Variants in CCDC33 observed in about 807,000 individuals in gnomAD.
The protein encoded by CCDC33 is coiled-coil domain containing 33, also known as coiled-coil domain-containing protein 33.
In CCDC33, 94 loss-of-function variants were observed where a neutral mutation model predicts 91.9. The observed-to-expected ratio is 1.02, with a 90% CI of 0.87 to 1.21. The LOEUF (loss-of-function observed/expected upper bound fraction) is 1.21. Ranked by LOEUF, CCDC33 falls within the 50% of genes most tolerant of loss-of-function variation. The pLI, the probability that CCDC33 is intolerant of heterozygous loss-of-function variation, is 0.00. For missense variants in CCDC33, 940 were observed against 935.5 expected, an observed-to-expected ratio of 1.00 and a Z score of -0.06; for synonymous variants, 396 against 374.5, an observed-to-expected ratio of 1.06 and a Z score of -0.66.
At chr15:74,277,621 C>A (rs955627131) in intron 7 of CCDC33, among the ~76,000 whole-genome samples, 3 of 152,242 alleles carry the variant, frequency 2.0e-5, no homozygotes, top group African/African-American at 7.2e-5. Context: ...GTACCCTCAC[C>A]AGGGCTCTGG....
At chr15:74,278,133 C>T (rs1435002843) in intron 7 of CCDC33, among the ~76,000 whole-genome samples, 1 of 152,240 alleles carries the variant, frequency 6.6e-6, no homozygotes, top group Non-Finnish European at 1.5e-5. Context: ...ATTGCAGTCT[C>T]TGTTCAGGTG....
rs184791892 is a variant in CCDC33 at position 74,293,755 on chromosome 15, C to T, written c.1096-1999C>T. On this transcript the variant is annotated intron_variant, in intron 10 of 18. Coordinates refer to ENST00000398814, the MANE Select transcript of CCDC33 (RefSeq NM_025055.5). ...GCCTGCCAAAGTCAGCCTCGGGGTC[C>T]CCCAGTGTCCCACTCTTCCCATTCC... is the stretch of plus-strand genomic sequence containing the variant. 2.6e-5 allele frequency among the ~76,000 whole-genome samples: 4 copies of T among 152,312 alleles called. No individual in the cohort carries two copies. The East Asian group carries it at 7.7e-4, about 29-fold the overall frequency.
At chr15:74,207,225 A>C (rs1388606404) in intron 1 of CCDC33, among the ~76,000 whole-genome samples, 1 of 152,248 alleles carries the variant, frequency 6.6e-6, no homozygotes, top group Non-Finnish European at 1.5e-5. Flanking sequence ...AGAAGCTAAC[A>C]GCAGGCCAGA....
Position 74,264,822 on chromosome 15 carries a change from A to G in CCDC33, c.320-1856A>G, listed in dbSNP as rs141515682. 4.8e-3 allele frequency among the ~76,000 whole-genome samples: 725 copies of G among 152,350 alleles called. 16 individuals are homozygous for G. The highest frequency in any genetic ancestry group is 3.9e-3 in the Non-Finnish European group (263 of 68,032). On this transcript the variant is annotated intron_variant, in intron 3 of 18. Transcript: ENST00000398814. ...CCCAAGGGGAGAGACAAGGCTTTTT[A>G]TTAAAGTGTTGACATTTTGAAGAGC...
In CCDC33 at chr15:74,295,764, A is replaced by G; in HGVS notation, c.1106A>G (p.Asn369Ser). 2 of 1,611,978 alleles carry G rather than the reference A, an allele frequency of 1.2e-6. No individual in the cohort carries two copies. Among genetic ancestry groups the G allele is most frequent in the Non-Finnish European group, 1.7e-6 (2 of 1,179,322 alleles). The part of the protein sequence containing the change: ...FQLLSSERPE[N>S]FLTPNNSKAL... Reference sequence around the variant, plus strand: ...ACCTTCTCTTCTCAGAGACCAGAAAACTTCTTGACACCAAACAACAGCAAG... The same window carrying G: ...ACCTTCTCTTCTCAGAGACCAGAAAGCTTCTTGACACCAAACAACAGCAAG... Residue 369 changes from asparagine to serine, a missense_variant, in exon 11 of 19, where the codon AAC becomes AGC. By Grantham distance (46) the Asn-to-Ser change is conservative. Transcript: ENST00000398814.
intron 2 of CCDC33, among the ~76,000 whole-genome samples, chr15:74,222,523 C>A (rs865941639): frequency 8.8e-6 from 1 of 114,154 alleles, no homozygotes; most frequent in African/African-American, 2.9e-5. Context: ...TTTTTTTTTT[C>A]TTTTTCTTTT....
At chr15:74,239,834 G>C (rs886982288) in intron 1 of CCDC33, among the ~76,000 whole-genome samples, 1 of 152,160 alleles carries the variant, frequency 6.6e-6, no homozygotes, top group Non-Finnish European at 1.5e-5. Context: ...AGTTACGGGG[G>C]GGGTACCCCA....
intron 3 of CCDC33, among the ~76,000 whole-genome samples, chr15:74,264,896 G>T (rs2076127124): frequency 6.6e-6 from 1 of 152,182 alleles, no homozygotes; most frequent in South Asian, 2.1e-4. Flanking sequence ...CAGTCACAGA[G>T]CAAGTTAGTA....
At chr15:74,313,274 G>C (rs1351356972) in intron 11 of CCDC33, among the ~76,000 whole-genome samples, 1 of 152,106 alleles carries the variant, frequency 6.6e-6, no homozygotes, top group African/African-American at 2.4e-5. Flanking sequence ...GCACCTCAAG[G>C]ATGCTTTCCC....
chr15:74,208,748 TC>T (rs1305183890), intron 1 of CCDC33: 6 of 988,416 alleles, frequency 6.1e-6, no homozygotes, highest in East Asian at 2.3e-4. Flanking sequence ...TTCTCGCTGT[TC>T]CCCGACCTGT....
chr15:74,253,777 T>C (rs1482257118), intron 2 of CCDC33, among the ~76,000 whole-genome samples: 1 of 152,204 alleles, frequency 6.6e-6, no homozygotes, highest in Non-Finnish European at 1.5e-5. Context: ...AGAGAGCACC[T>C]GGCTCATTCA....
chr15:74,327,960 A>G (rs574935772), intron 11 of CCDC33, among the ~76,000 whole-genome samples: 1 of 152,310 alleles, frequency 6.6e-6, no homozygotes, highest in South Asian at 2.1e-4. Flanking sequence ...ATGCCCTCAT[A>G]TAAGACCACA....
Position 74,279,974 on chromosome 15 carries a change from T to C in CCDC33, c.771T>C (p.Pro257=). The change falls in exon 8 of 19, where the codon CCT becomes CCC. Residue 257 remains proline, a synonymous_variant. Transcript: ENST00000398814. ...SQNGCPQLSK[P]GGPPEQPLWN... Reference sequence around the variant, plus strand: ...CCCTCTCCCTCCAGCTGTCCAAGCCTGGGGGACCCCCAGAGCAGCCCCTGT... The same window carrying C: ...CCCTCTCCCTCCAGCTGTCCAAGCCCGGGGGACCCCCAGAGCAGCCCCTGT... 6.2e-7 allele frequency: 1 copy of C among 1,614,010 alleles called. No homozygotes were observed. The highest frequency in any genetic ancestry group is 8.5e-7 in the Non-Finnish European group (1 of 1,179,908).
At chr15:74,270,955 GACT>G (rs2076298673) in intron 5 of CCDC33, among the ~76,000 whole-genome samples, 5 of 152,192 alleles carry the variant, frequency 3.3e-5, no homozygotes, top group Non-Finnish European at 7.4e-5. Context: ...GGTGACAGAG[GACT>G]GAGGAGGGAA....
At chr15:74,289,183 G>A (rs575668520) in intron 10 of CCDC33, among the ~76,000 whole-genome samples, 2 of 152,218 alleles carry the variant, frequency 1.3e-5, no homozygotes, top group South Asian at 4.1e-4. Context: ...AGGTGCTGAA[G>A]ATAAACATCG....
intron 2 of CCDC33, among the ~76,000 whole-genome samples, chr15:74,261,100 G>A (rs2076010704): frequency 6.6e-6 from 1 of 152,182 alleles, no homozygotes; most frequent in Non-Finnish European, 1.5e-5. Flanking sequence ...ATGCCCAGCT[G>A]CAGGGTCCTT....
chr15:74,290,565 C>T (rs1487346249), intron 10 of CCDC33, among the ~76,000 whole-genome samples: 1 of 152,178 alleles, frequency 6.6e-6, no homozygotes, highest in African/African-American at 2.4e-5. Context: ...GCAAGCATCA[C>T]AGAAAGGCAT....
intron 11 of CCDC33, among the ~76,000 whole-genome samples, chr15:74,317,263 AGGCAGGAGAAT>A (rs1456496501): frequency 6.6e-6 from 1 of 152,190 alleles, no homozygotes; most frequent in African/African-American, 2.4e-5. Context: ...CGGGAGGCTG[AGGCAGGAGAAT>A]GGCATGAACC....
chr15:74,268,234 A>C, intron 4 of CCDC33, 108 bp from the exon 5 acceptor site: 2 of 779,636 alleles, frequency 2.6e-6, no homozygotes, highest in South Asian at 2.8e-5. Context: ...TCGGAGCCCC[A>C]GCGGAGCAAT....
Sources: allele counts gnomAD v4.1 joint callset (sites outside exome capture counted in the v4.1 genomes callset), GRCh38; gene constraint gnomAD v4.1.1; transcripts MANE v1.5; gene names NCBI Gene and HGNC (gene_info 2026-07-23, HGNC 2026-07-21).